Variants in PARD3B observed in about 807,000 individuals in gnomAD.
PARD3B encodes the protein partitioning defective 3 homolog B.
Under a neutral mutation model 130.2 loss-of-function variants are expected in PARD3B, and 103 were observed. That is an observed-to-expected ratio of 0.79 (90% CI 0.67 to 0.93). The LOEUF is 0.93. Ranked by LOEUF, PARD3B falls within the 40% of genes least tolerant of loss-of-function variation. The probability of loss-of-function intolerance (pLI) is 0.00; values close to 1 mark genes in which losing one functional copy is unlikely to be tolerated. For missense variants in PARD3B, 1,609 were observed against 1,499.2 expected (o/e 1.07, Z -1.21); for synonymous variants, 583 against 553.2 (o/e 1.05, Z -0.76).
Position 205,440,948 on chromosome 2 carries a change from G to C in PARD3B, c.3044+276G>C, listed in dbSNP as rs2047693875. Among the ~76,000 whole-genome samples, 1 of 152,210 alleles carries C rather than the reference G, an allele frequency of 6.6e-6. No homozygotes were observed. The highest frequency in any genetic ancestry group is 6.5e-5 in the Admixed American group (1 of 15,280). On this transcript the variant is annotated intron_variant, in intron 20 of 22. Coordinates refer to ENST00000406610, the MANE Select transcript of PARD3B (RefSeq NM_001302769.2). The surrounding 1 kb of genome is among the most constrained non-coding windows in gnomAD (Gnocchi z 4.2). Reference sequence around the variant, plus strand: ...AGGAGTATTGTGACAGACATCTCATGAAGAAAACTTTGAACGAATATTGTC... The same window carrying C: ...AGGAGTATTGTGACAGACATCTCATCAAGAAAACTTTGAACGAATATTGTC...
chr2:205,227,739 T>G (rs531101220), intron 15 of PARD3B, among the ~76,000 whole-genome samples: 14 of 152,138 alleles, frequency 9.2e-5, no homozygotes, highest in Non-Finnish European at 1.9e-4. Flanking sequence ...GTTTTCTGGT[T>G]GTTTTGTGGT....
chr2:205,164,907 C>A (rs2034716735), intron 11 of PARD3B, among the ~76,000 whole-genome samples: 1 of 146,018 alleles, frequency 6.8e-6, no homozygotes, highest in East Asian at 2.0e-4. Context: ...AAACTCTGAC[C>A]ACAGTATGAA....
In PARD3B at chr2:205,536,125, T is replaced by TG. The variant is rs538256188; in HGVS notation, c.3181-17195dup. 2.3e-4 allele frequency among the ~76,000 whole-genome samples: 35 copies of TG among 152,096 alleles called. No individual in the cohort carries two copies. The South Asian group carries it at 6.4e-3, about 28-fold the overall frequency. On this transcript the variant is annotated intron_variant, in intron 21 of 22. Transcript: ENST00000406610. ...TGAGTATCTGAGAAATGGCAGGGAG[T>TG]GGGGTCCTTTACAGGTATTAGCTAT...
chr2:205,368,623 T>C (rs780861217), intron 18 of PARD3B, among the ~76,000 whole-genome samples: 5 of 152,078 alleles, frequency 3.3e-5, no homozygotes, highest in Non-Finnish European at 7.4e-5. Context: ...CAGAGCAAGA[T>C]TCCGTCTCAA....
intron 2 of PARD3B, among the ~76,000 whole-genome samples, chr2:204,753,503 A>G (rs768830655): frequency 5.1e-4 from 78 of 151,840 alleles, no homozygotes; most frequent in Non-Finnish European, 9.1e-4. Flanking sequence ...TAGAATTTTT[A>G]AAGGACAGTA....
intron 1 of PARD3B, among the ~76,000 whole-genome samples, chr2:204,661,921 G>A (rs2035824568): frequency 6.6e-6 from 1 of 152,124 alleles, no homozygotes; most frequent in Non-Finnish European, 1.5e-5. Context: ...ATACAAATAT[G>A]TAGCTGGAAA....
chr2:204,832,363 AT>A (rs147321022), intron 2 of PARD3B, among the ~76,000 whole-genome samples: 7 of 151,942 alleles, frequency 4.6e-5, no homozygotes, highest in Non-Finnish European at 7.4e-5. Context: ...ATAGTAGTTG[AT>A]TTTTTTTCTG....
intron 1 of PARD3B, among the ~76,000 whole-genome samples, chr2:204,665,702 T>A (rs912746962): frequency 6.6e-6 from 1 of 152,226 alleles, no homozygotes; most frequent in Non-Finnish European, 1.5e-5. Flanking sequence ...TGACACAGTC[T>A]GTGACCTCTA....
At chr2:205,567,308 T>G (rs1196738455) in intron 22 of PARD3B, among the ~76,000 whole-genome samples, 2 of 13,006 alleles carry the variant, frequency 1.5e-4, no homozygotes, top group South Asian at 5.1e-3. Context: ...TTCCTTGTTT[T>G]TTTTTTTTTT....
intron 1 of PARD3B, among the ~76,000 whole-genome samples, chr2:204,598,730 A>G (rs2033394710): frequency 6.6e-6 from 1 of 152,048 alleles, no homozygotes; most frequent in Admixed American, 6.6e-5. Context: ...TTTCACAGTA[A>G]CAAACACTCT....
At chr2:205,467,681 T>C (rs551792644) in intron 20 of PARD3B, among the ~76,000 whole-genome samples, 1 of 152,188 alleles carries the variant, frequency 6.6e-6, no homozygotes, top group African/African-American at 2.4e-5. Flanking sequence ...GAAGTGGCTA[T>C]TGGCTGCCAT....
rs145807937 is a variant in PARD3B at position 205,522,112 on chromosome 2, ATTAT to A, written c.3180+22084_3180+22087del. Among the ~76,000 whole-genome samples the A allele has an allele frequency of 7.4e-3, 1,123 of 151,626 alleles. 13 individuals are homozygous for A. Among genetic ancestry groups the A allele is most frequent in the African/African-American group, 0.024 (1,009 of 41,478 alleles). Reference sequence around the variant, plus strand: ...TCTTTACCAAATAATATATTTAATAATTATTTTTTGTTTTCATTTATTTTTACTT... The same window carrying A: ...TCTTTACCAAATAATATATTTAATAATTTTTGTTTTCATTTATTTTTACTT... On this transcript the variant is annotated intron_variant, in intron 21 of 22. Transcript: ENST00000406610.
chr2:204,720,340 G>A (rs541468820), intron 2 of PARD3B, among the ~76,000 whole-genome samples: 1 of 152,232 alleles, frequency 6.6e-6, no homozygotes, highest in South Asian at 2.1e-4. Flanking sequence ...CATGAACTGC[G>A]TTTTTGTGTG....
chr2:204,790,950 C>A lies in PARD3B; in HGVS notation c.222+104668C>A, dbSNP rs575291372. ...TGAAACCCTGTCTCTACTAATAATA[C>A]AAAAATTAGCTGGACACAGTGGTGC... On this transcript the variant is annotated intron_variant, in intron 2 of 22. Coordinates refer to ENST00000406610, the MANE Select transcript of PARD3B (RefSeq NM_001302769.2). 8.8e-4 allele frequency among the ~76,000 whole-genome samples: 134 copies of A among 151,896 alleles called. 1 individual carries two copies. The highest frequency in any genetic ancestry group is 3.0e-3 in the African/African-American group (125 of 41,434).
intron 5 of PARD3B, among the ~76,000 whole-genome samples, chr2:205,112,885 G>A (rs1703739870): frequency 6.6e-6 from 1 of 152,088 alleles, no homozygotes; most frequent in South Asian, 2.1e-4. Context: ...AAGTATAGGA[G>A]GTGAAAATTT....
chr2:204,860,182 A>T (rs2045124518), intron 2 of PARD3B, among the ~76,000 whole-genome samples: 1 of 152,228 alleles, frequency 6.6e-6, no homozygotes, highest in Non-Finnish European at 1.5e-5. Context: ...GACTGATTAT[A>T]TTAACATTCT....
chr2:205,581,727 A>T (rs2053998513), intron 22 of PARD3B, among the ~76,000 whole-genome samples: 1 of 152,024 alleles, frequency 6.6e-6, no homozygotes, highest in African/African-American at 2.4e-5. Flanking sequence ...CCCTATAAAT[A>T]GATACATCTA....
intron 3 of PARD3B, among the ~76,000 whole-genome samples, chr2:204,977,806 C>G (rs1478751460): frequency 1.0e-5 from 1 of 98,756 alleles, no homozygotes; most frequent in Non-Finnish European, 2.0e-5. Flanking sequence ...AGCGAGACTC[C>G]GGCTCAAAAA....
intron 18 of PARD3B, among the ~76,000 whole-genome samples, chr2:205,393,184 T>C (rs1015325871): frequency 3.3e-5 from 5 of 152,210 alleles, no homozygotes; most frequent in Non-Finnish European, 7.3e-5. Context: ...CAATTTAGAA[T>C]ACATCTGACA....
Sources: allele counts gnomAD v4.1 joint callset (sites outside exome capture counted in the v4.1 genomes callset), GRCh38; gene constraint gnomAD v4.1.1; non-coding constraint Gnocchi (gnomAD v3.1); transcripts MANE v1.5; gene names NCBI Gene and HGNC (gene_info 2026-07-23, HGNC 2026-07-21).